The following CAMTA1 variants were observed in gnomAD, a reference collection of about 807,000 sequenced individuals.
CAMTA1 encodes the protein calmodulin binding transcription activator 1.
A neutral mutation model predicts 170.9 loss-of-function variants in CAMTA1; 27 were observed. The ratio of observed to expected loss-of-function variants is 0.16; its 90% confidence interval spans 0.12 to 0.22. CAMTA1 has a LOEUF of 0.22. Ranked by LOEUF, CAMTA1 falls within the 10% of genes least tolerant of loss-of-function variation. The pLI, the probability that CAMTA1 is intolerant of heterozygous loss-of-function variation, is 1.00. For synonymous variants in CAMTA1, 833 were observed against 891.5 expected (o/e 0.93, Z 1.17); for missense variants, 1,619 against 2,217.2 (o/e 0.73, Z 5.42).
intron 6 of CAMTA1, among the ~76,000 whole-genome samples, chr1:7,616,063 A>G (rs192874776): frequency 1.7e-4 from 26 of 152,370 alleles, no homozygotes; most frequent in Non-Finnish European, 2.4e-4. Flanking sequence ...CCCTTTTAAA[A>G]GGATGTTTTT....
At chr1:7,457,973 C>G (rs1200405887) in intron 5 of CAMTA1, among the ~76,000 whole-genome samples, 1 of 152,190 alleles carries the variant, frequency 6.6e-6, no homozygotes, top group Non-Finnish European at 1.5e-5. Flanking sequence ...CAGGCACTTT[C>G]TGCCTCATGA....
chr1:7,060,269 C>T (rs530389908), intron 3 of CAMTA1, among the ~76,000 whole-genome samples: 3 of 152,304 alleles, frequency 2.0e-5, no homozygotes, highest in South Asian at 2.1e-4. Flanking sequence ...TGGGCTCTCC[C>T]GAGGCCTCTC....
intron 4 of CAMTA1, among the ~76,000 whole-genome samples, chr1:7,218,530 A>G (rs1262379278): frequency 6.6e-6 from 1 of 152,054 alleles, no homozygotes; most frequent in East Asian, 1.9e-4. Context: ...TGTTTTGCAG[A>G]ATCCTAAATG....
intron 6 of CAMTA1, among the ~76,000 whole-genome samples, chr1:7,621,877 GC>G (rs1336987502): frequency 3.3e-5 from 5 of 152,204 alleles, no homozygotes; most frequent in Non-Finnish European, 7.3e-5. Context: ...CACCAGCTCA[GC>G]TCGGCCACGT....
chr1:7,221,926 CAT>C (rs1360978781), intron 4 of CAMTA1, among the ~76,000 whole-genome samples: 44 of 145,012 alleles, frequency 3.0e-4, no homozygotes, highest in South Asian at 2.0e-3. Flanking sequence ...CACACACACA[CAT>C]ACACACACAC....
At chr1:6,940,403 T>C (rs981875712) in intron 3 of CAMTA1, among the ~76,000 whole-genome samples, 1 of 149,596 alleles carries the variant, frequency 6.7e-6, no homozygotes, top group Non-Finnish European at 1.5e-5. Flanking sequence ...TCTACTCAGA[T>C]GCTCAGTGGA....
At chr1:7,307,165 AT>A (rs1184815997) in intron 5 of CAMTA1, among the ~76,000 whole-genome samples, 2 of 152,058 alleles carry the variant, frequency 1.3e-5, no homozygotes, top group East Asian at 3.9e-4. Context: ...TGCTCTATAT[AT>A]TTTTTATTAG....
intron 4 of CAMTA1, among the ~76,000 whole-genome samples, chr1:7,094,940 A>G (rs1641892180): frequency 6.6e-6 from 1 of 152,032 alleles, no homozygotes; most frequent in Non-Finnish European, 1.5e-5. Context: ...GAATCTTGGA[A>G]AGAAGAGTGT....
intron 3 of CAMTA1, among the ~76,000 whole-genome samples, chr1:6,978,702 A>G (rs970379666): frequency 6.6e-6 from 1 of 150,796 alleles, no homozygotes; most frequent in African/African-American, 2.4e-5. Flanking sequence ...ATATATATCT[A>G]CAATGCACCT....
chr1:7,141,539 CAT>C (rs1250767938), intron 4 of CAMTA1, among the ~76,000 whole-genome samples: 1 of 152,110 alleles, frequency 6.6e-6, no homozygotes, highest in Non-Finnish European at 1.5e-5. Flanking sequence ...GGGGAAAAGA[CAT>C]AGAAGGGCAC....
chr1:7,098,620 T>A (rs896090779), intron 4 of CAMTA1, among the ~76,000 whole-genome samples: 11 of 152,198 alleles, frequency 7.2e-5, no homozygotes, highest in Non-Finnish European at 7.3e-5. Flanking sequence ...TGGAAATAGG[T>A]CTGCCCCAGA....
intron 3 of CAMTA1, among the ~76,000 whole-genome samples, chr1:6,931,508 A>G (rs1268269018): frequency 1.3e-5 from 2 of 152,152 alleles, no homozygotes; most frequent in Non-Finnish European, 2.9e-5. Context: ...CACGCAGATG[A>G]TAATTTAGGA....
rs984612868 is a variant in CAMTA1, at chr1:7,534,564, C to A, written c.510+66663C>A. Among the ~76,000 whole-genome samples, 1 of 152,234 alleles carries A rather than the reference C, an allele frequency of 6.6e-6. No homozygotes were observed. Among genetic ancestry groups the A allele is most frequent in the African/African-American group, 2.4e-5 (1 of 41,474 alleles). On this transcript the variant is annotated intron_variant, in intron 6 of 22. Coordinates refer to ENST00000303635, the MANE Select transcript of CAMTA1 (RefSeq NM_015215.4). The surrounding 1 kb of genome is among the most constrained non-coding windows in gnomAD (Gnocchi z 5.6). ...GGGTGGCACTACCTGCTCCCCACCT[C>A]CCCGGCCAGCCCACACCCTCTGTCT...
chr1:7,311,854 G>A (rs564200348), intron 5 of CAMTA1, among the ~76,000 whole-genome samples: 1 of 152,306 alleles, frequency 6.6e-6, no homozygotes, highest in Non-Finnish European at 1.5e-5. Context: ...GGGCTGTCCT[G>A]TGTGTGCACC....
intron 4 of CAMTA1, among the ~76,000 whole-genome samples, chr1:7,240,078 T>C (rs1664598133): frequency 6.6e-6 from 1 of 152,162 alleles, no homozygotes; most frequent in Non-Finnish European, 1.5e-5. Flanking sequence ...ATCCAAACCA[T>C]AGCAGAGGAC....
chr1:7,762,600 C>T (rs2096984252), intron 22 of CAMTA1, among the ~76,000 whole-genome samples: 2 of 152,164 alleles, frequency 1.3e-5, no homozygotes, highest in South Asian at 2.1e-4. Context: ...CATAAAACTT[C>T]ATTTATGATT....
At chr1:7,496,119 C>G (rs2093822934) in intron 6 of CAMTA1, among the ~76,000 whole-genome samples, 2 of 152,192 alleles carry the variant, frequency 1.3e-5, no homozygotes, top group Non-Finnish European at 2.9e-5. Flanking sequence ...AGGGCCGGCT[C>G]AGAGCTGTGT....
intron 5 of CAMTA1, among the ~76,000 whole-genome samples, chr1:7,354,495 G>T (rs1424020323): frequency 1.3e-5 from 2 of 152,220 alleles, no homozygotes; most frequent in Non-Finnish European, 2.9e-5. Context: ...CACCTAGGTT[G>T]ATTCTGTACC....
rs79709218 is a variant in CAMTA1 at position 7,338,156 on chromosome 1, G to A, written c.438+88530G>A. Among the ~76,000 whole-genome samples, 334 of 152,050 alleles carry A rather than the reference G, an allele frequency of 2.2e-3. 1 individual carries two copies. The highest frequency in any genetic ancestry group is 7.6e-3 in the African/African-American group (315 of 41,440). On this transcript the variant is annotated intron_variant, in intron 5 of 22. Transcript: ENST00000303635. The stretch of plus-strand genomic sequence containing the variant: ...GCCACTTCCTCCTCCAGATTTTGGG[G>A]CTTCTGCTCTTGACACCTCAGTCTC...
Sources: gnomAD v4.1 joint callset for allele counts (sites outside exome capture counted in the v4.1 genomes callset) on GRCh38, gnomAD v4.1.1 for gene constraint, Gnocchi (gnomAD v3.1) non-coding constraint, MANE v1.5 for transcripts, NCBI Gene and HGNC (gene_info 2026-07-23, HGNC 2026-07-21) for gene names.